ASB1: variants seen among roughly 807,000 people sequenced by gnomAD.
ASB1 encodes the protein ankyrin repeat and SOCS box protein 1.
Under a neutral mutation model 27.7 loss-of-function variants are expected in ASB1, and 18 were observed. That is an observed-to-expected ratio of 0.65 (90% confidence interval 0.45 to 0.96). The LOEUF (loss-of-function observed/expected upper bound fraction) is 0.96, where lower values mean the gene tolerates loss of function less well. Among genes scored for constraint, ASB1 ranks in the 50% least tolerant of loss-of-function variants. The pLI is 0.00. For missense variants in ASB1, 397 were observed against 451.7 expected, an observed-to-expected ratio of 0.88 and a Z score of 1.10; for synonymous variants, 189 against 187.6, an observed-to-expected ratio of 1.01 and a Z score of -0.06.
intron 3 of ASB1, among the ~76,000 whole-genome samples, chr2:238,440,649 C>T (rs1365556310): frequency 6.6e-6 from 1 of 152,208 alleles, no homozygotes; most frequent in East Asian, 1.9e-4. Flanking sequence ...ATTGACTGAT[C>T]CCTGTTCAGA....
chr2:238,429,366 T>A lies in ASB1; in HGVS notation c.49+2247T>A, dbSNP rs1472569544. ...ACTATTTTTACAAAACTCTTAAATC[T>A]TCAGGAGTTTATTTTGGGTTATGAT... On this transcript the variant is annotated intron_variant, in intron 1 of 4. Transcript: ENST00000264607. 5.9e-5 allele frequency among the ~76,000 whole-genome samples: 9 copies of A among 152,172 alleles called. No homozygotes were observed. In the East Asian group the frequency reaches 1.7e-3, roughly 29 times the overall value.
chr2:238,437,746 G>A (rs909859272), intron 3 of ASB1, among the ~76,000 whole-genome samples: 1 of 152,130 alleles, frequency 6.6e-6, no homozygotes. Context: ...ATTAGGTAAG[G>A]GTTCTGTTGT....
rs1702298461 is a variant in ASB1 at position 238,452,141 on chromosome 2, C to T, written c.*5630C>T. The T allele has an allele frequency of 6.6e-6, 1 of 152,114 alleles. No individual in the cohort carries two copies. Among genetic ancestry groups the T allele is most frequent in the Non-Finnish European group, 1.5e-5 (1 of 68,050 alleles). The allele number at this position is 152,114 out of a possible 1,614,324, so 9.4% of individuals were successfully genotyped here. On this transcript the variant is annotated 3_prime_UTR_variant, in exon 5 of 5. Transcript: ENST00000264607. ...GTGGGCAAGCCTGTTGTTTTTGGCC[C>T]CCTGTTGTTACATGGGACCTGTTTT...
chr2:238,434,270 G>A (rs539075671), intron 2 of ASB1, among the ~76,000 whole-genome samples: 4 of 152,104 alleles, frequency 2.6e-5, no homozygotes, highest in African/African-American at 4.8e-5. Context: ...CCCTTCCTTC[G>A]CAGCAAGTGA....
At position 238,446,524 on chromosome 2, in the gene ASB1, G is replaced by A. The variant is rs377095248; in HGVS notation, c.*13G>A. 2 of 1,613,020 alleles carry A rather than the reference G, an allele frequency of 1.2e-6. No individual in the cohort carries two copies. Among genetic ancestry groups the A allele is most frequent in the African/African-American group, 2.7e-5 (2 of 74,906 alleles). On this transcript the variant is annotated 3_prime_UTR_variant, in exon 5 of 5. Coordinates refer to ENST00000264607, the MANE Select transcript of ASB1 (RefSeq NM_001040445.3). ...ACTCCATGAGTAGACTCCAAGTGCT[G>A]CGGTTGATTCCAGTGAGGGAGAAAG... is the stretch of plus-strand genomic sequence containing the variant.
intron 1 of ASB1, among the ~76,000 whole-genome samples, chr2:238,430,547 C>T (rs576000136): frequency 3.9e-5 from 6 of 152,302 alleles, no homozygotes; most frequent in Non-Finnish European, 7.3e-5. Flanking sequence ...TTTCAAACTC[C>T]TTTTGATATT....
intron 3 of ASB1, among the ~76,000 whole-genome samples, chr2:238,437,517 A>G (rs1243379204): frequency 6.6e-6 from 1 of 151,210 alleles, no homozygotes. Flanking sequence ...GGCGTGAGCC[A>G]CAGTGCCTGG....
At chr2:238,435,173 G>T (rs1436587232) in intron 2 of ASB1, 5 of 154,196 alleles carry the variant, frequency 3.2e-5, no homozygotes, top group Non-Finnish European at 7.2e-5. Context: ...TTGGCCAGGG[G>T]TGTAGCCCCC....
At position 238,427,009 on chromosome 2, in the gene ASB1, G is replaced by T; in HGVS notation, c.-62G>T. 2.5e-6 allele frequency: 3 copies of T among 1,217,470 alleles called. No individual in the cohort carries two copies. Among genetic ancestry groups the T allele is most frequent in the South Asian group, 3.7e-5 (1 of 26,990 alleles). 75.4% of individuals were successfully genotyped at this position (1,217,470 alleles called of 1,614,324 possible). On this transcript the variant is annotated 5_prime_UTR_variant, in exon 1 of 5. Coordinates refer to ENST00000264607, the MANE Select transcript of ASB1 (RefSeq NM_001040445.3). ...TCGGCGCCGGAAGTGGTCGCGGGTC[G>T]TTCTGCTTCCTGCCCGAGGGGCGTG...
At chr2:238,442,918 C>T (rs1702106815) in intron 3 of ASB1, among the ~76,000 whole-genome samples, 1 of 152,142 alleles carries the variant, frequency 6.6e-6, no homozygotes, top group Admixed American at 6.5e-5. Flanking sequence ...GTTCACATAC[C>T]AGTGCCACAG....
At chr2:238,430,440 T>TTCTA (rs1701847272) in intron 1 of ASB1, among the ~76,000 whole-genome samples, 1 of 152,250 alleles carries the variant, frequency 6.6e-6, no homozygotes, top group South Asian at 2.1e-4. Flanking sequence ...CAGGCTGTAA[T>TTCTA]TCTAGTTCTC....
chr2:238,441,438 G>T (rs1254679941), intron 3 of ASB1, among the ~76,000 whole-genome samples: 1 of 152,054 alleles, frequency 6.6e-6, no homozygotes, highest in African/African-American at 2.4e-5. Flanking sequence ...CTTGGCCAAG[G>T]TATAAATTTT....
intron 4 of ASB1, 24 bp downstream of exon 4, chr2:238,444,751 G>C: frequency 6.4e-7 from 1 of 1,573,306 alleles, no homozygotes; most frequent in Non-Finnish European, 8.6e-7. Context: ...GTTCAGCTCT[G>C]ACTTGTGGGC....
At chr2:238,442,746 T>C (rs35080527) in intron 3 of ASB1, among the ~76,000 whole-genome samples, 67,454 of 152,086 alleles carry the variant, frequency 0.44, 17,727 homozygotes, top group Middle Eastern at 0.63. Context: ...GGATATACTT[T>C]TACCTTTTTC....
At chr2:238,428,306 T>C (rs1321825424) in intron 1 of ASB1, among the ~76,000 whole-genome samples, 5 of 152,364 alleles carry the variant, frequency 3.3e-5, no homozygotes, top group African/African-American at 1.2e-4. Flanking sequence ...TCCTTTTTTT[T>C]TGAGACGGAG....
intron 3 of ASB1, among the ~76,000 whole-genome samples, chr2:238,436,275 A>C (rs538465571): frequency 6.6e-6 from 1 of 152,056 alleles, no homozygotes; most frequent in East Asian, 1.9e-4. Context: ...TTAAGAATGC[A>C]AACTTGCAAC....
chr2:238,438,093 C>T (rs1336040258), intron 3 of ASB1, among the ~76,000 whole-genome samples: 1 of 151,976 alleles, frequency 6.6e-6, no homozygotes, highest in Non-Finnish European at 1.5e-5. Flanking sequence ...AGTGAAATTC[C>T]ATGTTGGTTC....
At chr2:238,438,199 A>ATTTTTTTTTTTTTTTTTTTT (rs57391955) in intron 3 of ASB1, among the ~76,000 whole-genome samples, 1 of 98,198 alleles carries the variant, frequency 1.0e-5, no homozygotes, top group Non-Finnish European at 1.9e-5. Flanking sequence ...GATGCCCTTC[A>ATTTTTTTTTTTTTTTTTTTT]TTTTTTTTTT....
intron 1 of ASB1, among the ~76,000 whole-genome samples, chr2:238,430,155 G>A (rs918165874): frequency 1.7e-4 from 26 of 152,122 alleles, no homozygotes; most frequent in African/African-American, 6.0e-4. Context: ...TTGCCATATC[G>A]TCTGGCTCTT....
Sources: allele counts gnomAD v4.1 joint callset (sites outside exome capture counted in the v4.1 genomes callset), GRCh38; gene constraint gnomAD v4.1.1; transcripts MANE v1.5; gene names NCBI Gene and HGNC (gene_info 2026-07-23, HGNC 2026-07-21).